ATP11A: variants seen among roughly 807,000 people sequenced by gnomAD.
ATP11A encodes the protein phospholipid-transporting ATPase IH.
A neutral mutation model predicts 154.4 loss-of-function variants in ATP11A; 81 were observed. The observed-to-expected ratio is 0.52, with a 90% CI of 0.44 to 0.63. The LOEUF (loss-of-function observed/expected upper bound fraction) is 0.63. Among genes scored for constraint, ATP11A ranks in the 30% least tolerant of loss-of-function variants. The pLI, the probability that ATP11A is intolerant of heterozygous loss-of-function variation, is 0.00. For synonymous variants in ATP11A, 623 were observed against 585.9 expected, an observed-to-expected ratio of 1.06 and a Z score of -0.91; for missense variants, 1,316 against 1,474.3, an observed-to-expected ratio of 0.89 and a Z score of 1.76.
At chr13:112,880,057 A>G (rs981724913) in intron 29 of ATP11A, among the ~76,000 whole-genome samples, 6 of 152,262 alleles carry the variant, frequency 3.9e-5, no homozygotes, top group African/African-American at 1.4e-4. Flanking sequence ...GCAGTTCTTC[A>G]GCTCCTGTGC....
intron 29 of ATP11A, chr13:112,878,535 C>T (rs754996632): frequency 4.6e-5 from 27 of 587,098 alleles, no homozygotes; most frequent in South Asian, 6.0e-5. Flanking sequence ...CCTCAGCGTC[C>T]GTGCAGCCTC....
chr13:112,771,983 CG>C (rs996060449), intron 1 of ATP11A, among the ~76,000 whole-genome samples: 1 of 152,152 alleles, frequency 6.6e-6, no homozygotes, highest in African/African-American at 2.4e-5. Flanking sequence ...GCAGAGCCTG[CG>C]GGGCAGATGC....
At chr13:112,805,507 C>T (rs1471024844) in intron 3 of ATP11A, among the ~76,000 whole-genome samples, 1 of 152,024 alleles carries the variant, frequency 6.6e-6, no homozygotes, top group African/African-American at 2.4e-5. Context: ...TAAACCCTGT[C>T]TCTACTAAAA....
chr13:112,777,274 A>T (rs2077371790), intron 1 of ATP11A, among the ~76,000 whole-genome samples: 1 of 152,206 alleles, frequency 6.6e-6, no homozygotes, highest in Admixed American at 6.5e-5. Flanking sequence ...CTTTAAAAAA[A>T]TAACTAAGGC....
intron 1 of ATP11A, among the ~76,000 whole-genome samples, chr13:112,716,580 T>C (rs1255098837): frequency 6.6e-6 from 1 of 152,156 alleles, no homozygotes; most frequent in East Asian, 1.9e-4. Context: ...CCTTCCACTG[T>C]GCCGGTCTTC....
chr13:112,790,321 C>A (rs931423814), intron 2 of ATP11A, among the ~76,000 whole-genome samples: 1 of 151,940 alleles, frequency 6.6e-6, no homozygotes, highest in Non-Finnish European at 1.5e-5. Context: ...GACGTGTAGA[C>A]CCCTGTGTAG....
At chr13:112,712,225 C>A (rs1371206835) in intron 1 of ATP11A, among the ~76,000 whole-genome samples, 2 of 152,168 alleles carry the variant, frequency 1.3e-5, no homozygotes, top group Non-Finnish European at 2.9e-5. Context: ...CGGTAGTTCC[C>A]CAGGAGTAAA....
intron 1 of ATP11A, among the ~76,000 whole-genome samples, chr13:112,713,770 C>T (rs961279037): frequency 3.3e-5 from 5 of 152,072 alleles, no homozygotes; most frequent in East Asian, 3.9e-4. Flanking sequence ...AACCAGACAT[C>T]GGTTTGCATG....
intron 25 of ATP11A, among the ~76,000 whole-genome samples, chr13:112,869,689 G>A (rs190325201): frequency 3.3e-5 from 5 of 152,186 alleles, no homozygotes; most frequent in Admixed American, 2.0e-4. Flanking sequence ...GTGCAAAGCC[G>A]CCCTCAGCTG....
chr13:112,782,028 C>A (rs1314267336), intron 1 of ATP11A, among the ~76,000 whole-genome samples: 1 of 152,258 alleles, frequency 6.6e-6, no homozygotes, highest in Non-Finnish European at 1.5e-5. Flanking sequence ...TGCATGTTGG[C>A]AGGCAGCCTG....
At chr13:112,874,466 C>T (rs935236564) in intron 27 of ATP11A, among the ~76,000 whole-genome samples, 1 of 152,200 alleles carries the variant, frequency 6.6e-6, no homozygotes. Flanking sequence ...AGTCTAGAGA[C>T]TGTCGCTGTA....
intron 29 of ATP11A, chr13:112,880,236 G>T (rs1473769436): frequency 6.3e-6 from 1 of 158,428 alleles, no homozygotes; most frequent in East Asian, 1.8e-4. Context: ...GATTCCAGCG[G>T]TGCCTGGTAG....
At chr13:112,809,386 T>C (rs1225541576) in intron 4 of ATP11A, among the ~76,000 whole-genome samples, 1 of 152,198 alleles carries the variant, frequency 6.6e-6, no homozygotes, top group Non-Finnish European at 1.5e-5. Flanking sequence ...GTTACTTGTT[T>C]ATGCTCCCTT....
intron 2 of ATP11A, among the ~76,000 whole-genome samples, chr13:112,798,570 C>T (rs986411877): frequency 9.9e-5 from 15 of 152,214 alleles, no homozygotes; most frequent in East Asian, 3.9e-4. Flanking sequence ...CATGCTGTTG[C>T]GAGGAATCTG....
chr13:112,776,309 T>C (rs939877301), intron 1 of ATP11A, among the ~76,000 whole-genome samples: 8 of 152,308 alleles, frequency 5.3e-5, no homozygotes, highest in African/African-American at 1.9e-4. Context: ...ATCCCCGGAC[T>C]GGGCGCATTG....
chr13:112,841,359 T>G (rs1396853792), intron 16 of ATP11A, among the ~76,000 whole-genome samples: 1 of 140,240 alleles, frequency 7.1e-6, no homozygotes, highest in African/African-American at 2.7e-5. Context: ...GGGGGCTCTG[T>G]GTGTCGGGAG....
chr13:112,791,872 A>C (rs867738807), intron 2 of ATP11A, among the ~76,000 whole-genome samples: 7 of 152,056 alleles, frequency 4.6e-5, no homozygotes, highest in Middle Eastern at 3.2e-3. Flanking sequence ...AGGACCTTTG[A>C]GAAGCCGTAA....
At chr13:112,806,503 G>T (rs1017212138) in intron 4 of ATP11A, among the ~76,000 whole-genome samples, 1 of 152,176 alleles carries the variant, frequency 6.6e-6, no homozygotes, top group South Asian at 2.1e-4. Flanking sequence ...CACCATGCGA[G>T]TTCGAGAAGA....
At chr13:112,734,627 A>G (rs1890811857) in intron 1 of ATP11A, among the ~76,000 whole-genome samples, 1 of 152,190 alleles carries the variant, frequency 6.6e-6, no homozygotes. Context: ...ATGTGACCCA[A>G]TGCTTTCACA....
Sources: gnomAD v4.1 joint callset for allele counts (sites outside exome capture counted in the v4.1 genomes callset) on GRCh38, gnomAD v4.1.1 for gene constraint, MANE v1.5 for transcripts, NCBI Gene and HGNC (gene_info 2026-07-23, HGNC 2026-07-21) for gene names.